Variants in ZNF732 observed in about 807,000 individuals in gnomAD.
ZNF732 encodes zinc finger protein 732, also known as zinc finger protein LOC654254.
Under a neutral mutation model 11.5 loss-of-function variants are expected in ZNF732, and 12 were observed. The observed-to-expected ratio is 1.05, with a 90% CI of 0.67 to 1.70. ZNF732 has a LOEUF of 1.70. ZNF732 is among the 40% of genes most tolerant of loss of function. ZNF732 has a pLI of 0.00. For missense variants in ZNF732, 702 were observed against 676.9 expected, an observed-to-expected ratio of 1.04 and a Z score of -0.41; for synonymous variants, 231 against 236.5, an observed-to-expected ratio of 0.98 and a Z score of 0.21.
At chr4:296,710 A>T (rs570364299) in intron 1 of ZNF732, among the ~76,000 whole-genome samples, 3 of 152,188 alleles carry the variant, frequency 2.0e-5, no homozygotes, top group Admixed American at 2.0e-4. Context: ...TGCAGGTTTG[A>T]AAAGAGTTCA....
chr4:289,852 C>T (rs1719804574), intron 3 of ZNF732, among the ~76,000 whole-genome samples: 1 of 152,190 alleles, frequency 6.6e-6, no homozygotes. Flanking sequence ...CCACCAGGCC[C>T]ACCTCCATGA....
chr4:271,201 A>T lies in ZNF732; in HGVS notation c.1656T>A (p.His552Gln). 1 of 1,555,462 alleles carries T rather than the reference A, an allele frequency of 6.4e-7. No individual in the cohort carries two copies. Among genetic ancestry groups the T allele is most frequent in the Non-Finnish European group, 8.7e-7 (1 of 1,148,974 alleles). ...SRVLNKYKTI[H>Q]TGDKTPKCKG... ...TACATTTGGGGGTTTTATCTCCAGT[A>T]TGAATTGTCTTATATTTATTCAGGA... Residue 552 changes from histidine (H) to glutamine (Q), a missense_variant, in exon 4 of 4, where the codon CAT (histidine) becomes CAA (glutamine). This residue lies in a region of ZNF732 where 94 missense variants were observed against 87.5 expected (regional missense o/e 1.07). Coordinates refer to ENST00000419098, the MANE Select transcript of ZNF732 (RefSeq NM_001137608.3).
At position 272,363 on chromosome 4, in the gene ZNF732, C is replaced by A. The variant is rs1553837901; in HGVS notation, c.494G>T (p.Gly165Val). 2 of 1,605,896 alleles carry A rather than the reference C, an allele frequency of 1.2e-6. No homozygotes were observed. The highest frequency in any genetic ancestry group is 1.3e-5 in the African/African-American group (1 of 74,874). ...GCCACATTCTTTAAAGTGTTTCTCT[C>A]CAGTATGTCTTATCCTACGTTGGTT... is the stretch of plus-strand genomic sequence containing the variant. ...NSNQRRIRHT[G>V]EKHFKECGKS... The change falls in exon 4 of 4, where the codon GGA (glycine) becomes GTA (valine). Residue 165 changes from glycine to valine, a missense_variant. Gly to Val is a moderately radical substitution (Grantham distance 109). This residue lies in a region of ZNF732 where 596 missense variants were observed against 557.9 expected (regional missense o/e 1.07). Transcript: ENST00000419098.
chr4:272,501 C>G lies in ZNF732; in HGVS notation c.356G>C (p.Arg119Thr). The G allele has an allele frequency of 6.2e-7, 1 of 1,601,904 alleles. No individual in the cohort carries two copies. Among genetic ancestry groups the G allele is most frequent in the Admixed American group, 1.7e-5 (1 of 57,674 alleles). Residue 119 changes from arginine to threonine, a missense_variant, in exon 4 of 4, where the codon AGG becomes ACG. By Grantham distance (71) the Arg-to-Thr change is moderately conservative (BLOSUM62 -1). Coordinates refer to ENST00000419098, the MANE Select transcript of ZNF732 (RefSeq NM_001137608.3). ...ENLELRKSCKRKVQKGGYNEF... is the reference protein window; with the variant it reads ...ENLELRKSCKTKVQKGGYNEF... ...ATTATAACCTCCTTTCTGCACCTTC[C>G]TTTTACAGCTTTTTCTTAATTCTAA...
At chr4:303,296 T>C (rs1720155367) in intron 1 of ZNF732, among the ~76,000 whole-genome samples, 1 of 152,176 alleles carries the variant, frequency 6.6e-6, no homozygotes, top group Non-Finnish European at 1.5e-5. Flanking sequence ...CCGAGAGAAC[T>C]TTGAGCGTTA....
intron 3 of ZNF732, among the ~76,000 whole-genome samples, chr4:295,079 G>GA (rs59264418): frequency 0.057 from 8,631 of 152,062 alleles, 388 homozygotes; most frequent in African/African-American, 0.12. Flanking sequence ...TTTTAGACAT[G>GA]TACAAAAAGA....
At chr4:294,491 G>C (rs1307025730) in intron 3 of ZNF732, among the ~76,000 whole-genome samples, 1 of 152,126 alleles carries the variant, frequency 6.6e-6, no homozygotes, top group African/African-American at 2.4e-5. Context: ...AATTATAATA[G>C]TTATTAAGAA....
At position 295,099 on chromosome 4, in the gene ZNF732, A is replaced by G. The variant is rs149193171; in HGVS notation, c.226+339T>C. Among the ~76,000 whole-genome samples, 190 of 152,324 alleles carry G rather than the reference A, an allele frequency of 1.2e-3. 2 individuals carry two copies. The highest frequency in any genetic ancestry group is 4.4e-3 in the African/African-American group (183 of 41,578). On this transcript the variant is annotated intron_variant, in intron 3 of 3. Coordinates refer to ENST00000419098, the MANE Select transcript of ZNF732 (RefSeq NM_001137608.3). ...GACATGTACAAAAAGAATATTTGAAAAAAATACACTGACATAGAGCTCCTC... is the reference window on the plus strand; with the variant it reads ...GACATGTACAAAAAGAATATTTGAAGAAAATACACTGACATAGAGCTCCTC...
At chr4:302,067 T>C (rs376276025) in intron 1 of ZNF732, among the ~76,000 whole-genome samples, 5 of 152,186 alleles carry the variant, frequency 3.3e-5, no homozygotes, top group African/African-American at 7.2e-5. Context: ...ATAACTGTTA[T>C]AGAAGCGACT....
chr4:284,135 T>C (rs74675982), intron 3 of ZNF732, among the ~76,000 whole-genome samples: 8,715 of 152,070 alleles, frequency 0.057, 402 homozygotes, highest in African/African-American at 0.13. Flanking sequence ...ATGGCCTCGA[T>C]CTCCTGACCT....
At chr4:301,352 G>C (rs185407041) in intron 1 of ZNF732, among the ~76,000 whole-genome samples, 94 of 152,272 alleles carry the variant, frequency 6.2e-4, no homozygotes, top group Admixed American at 4.6e-3. Flanking sequence ...ATTTGACCCA[G>C]CCATCTCATT....
chr4:282,139 C>T (rs1425282503), intron 3 of ZNF732, among the ~76,000 whole-genome samples: 3 of 151,960 alleles, frequency 2.0e-5, no homozygotes, highest in Admixed American at 6.6e-5. Context: ...TTTGAAAGTT[C>T]GTAAATAGAC....
chr4:270,807 G>T lies in ZNF732; in HGVS notation c.*292C>A. The T allele has an allele frequency of 1.7e-6, 1 of 597,892 alleles. No homozygotes were observed. The highest frequency in any genetic ancestry group is 3.1e-6 in the Non-Finnish European group (1 of 319,054). The allele number at this position is 597,892 out of a possible 1,614,324, so 37.0% of individuals were successfully genotyped here. On this transcript the variant is annotated 3_prime_UTR_variant, in exon 4 of 4. Transcript: ENST00000419098. ...TATGAATTTTCTTATGTTCACTCAGGGTTGTGGACCATCTAAAAGCTTTGC... is the reference window on the plus strand; with the variant it reads ...TATGAATTTTCTTATGTTCACTCAGTGTTGTGGACCATCTAAAAGCTTTGC...
intron 3 of ZNF732, among the ~76,000 whole-genome samples, chr4:285,433 C>T (rs1035828676): frequency 2.0e-4 from 31 of 152,150 alleles, no homozygotes; most frequent in Admixed American, 1.7e-3. Flanking sequence ...CTTCTGGGCA[C>T]TTATGTGTCC....
intron 3 of ZNF732, among the ~76,000 whole-genome samples, chr4:288,286 T>C (rs374838065): frequency 1.3e-5 from 2 of 152,242 alleles, no homozygotes; most frequent in Non-Finnish European, 2.9e-5. Flanking sequence ...TTGTTGCTCA[T>C]GTGTTTGATG....
In ZNF732 at chr4:298,994, TG is replaced by T. The variant is rs150192812; in HGVS notation, c.4-2840del. On this transcript the variant is annotated intron_variant, in intron 1 of 3. Transcript: ENST00000419098. ...TGGAAAACTCAAAGAGCTCCACCTATGTTGACCTCTCATGATGTAGAAAATG... is the reference window on the plus strand; with the variant it reads ...TGGAAAACTCAAAGAGCTCCACCTATTTGACCTCTCATGATGTAGAAAATG... Among the ~76,000 whole-genome samples the T allele has an allele frequency of 2.1e-3, 320 of 152,272 alleles. 2 individuals carry two copies. The highest frequency in any genetic ancestry group is 7.4e-3 in the African/African-American group (307 of 41,554).
chr4:292,890 C>CAAAAAAAAAAAAAA lies in ZNF732; in HGVS notation c.226+2534_226+2547dup, dbSNP rs34118991. ...TGAAACTCTGTCTCTACTAAAAACA[C>CAAAAAAAAAAAAAA]AAAAAAAAAAAAAAAAAAAAAAAAA... On this transcript the variant is annotated intron_variant, in intron 3 of 3. Transcript: ENST00000419098. Among the ~76,000 whole-genome samples the CAAAAAAAAAAAAAA allele has an allele frequency of 1.1e-4, 9 of 79,494 alleles. 1 individual carries two copies. The highest frequency in any genetic ancestry group is 1.8e-4 in the Non-Finnish European group (7 of 38,388). The allele number at this position is 79,494 out of a possible 152,430, so 52.2% of individuals were successfully genotyped here. A position where few individuals can be genotyped will look rare whatever the true frequency, so the allele number is the denominator to read the frequency against.
chr4:301,807 T>G (rs575448806), intron 1 of ZNF732, among the ~76,000 whole-genome samples: 82 of 152,338 alleles, frequency 5.4e-4, no homozygotes, highest in African/African-American at 1.9e-3. Flanking sequence ...ACATGGCACA[T>G]GTATACATAT....
intron 3 of ZNF732, among the ~76,000 whole-genome samples, chr4:273,722 A>G (rs75569198): frequency 6.6e-6 from 1 of 152,080 alleles, no homozygotes; most frequent in Non-Finnish European, 1.5e-5. Context: ...GCAAAGTTTC[A>G]AAAATCAAAC....
Sources: allele counts gnomAD v4.1 joint callset (sites outside exome capture counted in the v4.1 genomes callset), GRCh38; gene constraint gnomAD v4.1.1; regional missense constraint gnomAD v4.1.1; transcripts MANE v1.5; gene names NCBI Gene and HGNC (gene_info 2026-07-23, HGNC 2026-07-21).